Variants in RHOA observed in about 807,000 individuals in gnomAD.
RHOA encodes the protein ras homolog family member A.
RHOA carries 3 observed loss-of-function variants against 17.5 expected under a neutral mutation model. The observed-to-expected ratio is 0.17, with a 90% CI of 0.08 to 0.44. The LOEUF (loss-of-function observed/expected upper bound fraction) is 0.44. Among genes scored for constraint, RHOA ranks in the 20% least tolerant of loss-of-function variants. The pLI is 0.99. For missense variants in RHOA, 56 were observed against 242.3 expected, an observed-to-expected ratio of 0.23 and a Z score of 5.10; for synonymous variants, 98 against 88.4, an observed-to-expected ratio of 1.11 and a Z score of -0.61.
intron 1 of RHOA, among the ~76,000 whole-genome samples, chr3:49,409,871 T>G (rs1000629309): frequency 3.3e-5 from 5 of 152,292 alleles, no homozygotes; most frequent in African/African-American, 1.2e-4. Flanking sequence ...TGCCCACAGT[T>G]AACTAAAAAT....
Position 49,375,291 on chromosome 3 carries a change from GAT to G in RHOA, c.156+141_156+142del, listed in dbSNP as rs576182595. 7.9e-4 allele frequency: 569 copies of G among 719,242 alleles called. 3 individuals are homozygous for G. In the African/African-American group the frequency reaches 9.3e-3, roughly 12 times the overall value. The allele number at this position is 719,242 out of a possible 1,614,324, so 44.6% of individuals were successfully genotyped here. ...AAAAAAAAGAACAAACTTGGACTAA[GAT>G]GGCAGGATGAGAATGGATTCTTCTT... On this transcript the variant is annotated intron_variant, in intron 2 of 4. Transcript: ENST00000418115.
chr3:49,398,406 T>A (rs1303269892), intron 1 of RHOA, among the ~76,000 whole-genome samples: 1 of 150,778 alleles, frequency 6.6e-6, no homozygotes, highest in East Asian at 1.9e-4. Flanking sequence ...TAACATAAAA[T>A]GAGAGACAGA....
intron 1 of RHOA, among the ~76,000 whole-genome samples, chr3:49,393,980 C>A (rs2048569925): frequency 6.6e-6 from 1 of 151,616 alleles, no homozygotes; most frequent in South Asian, 2.1e-4. Context: ...ACGCCATTCT[C>A]CTGCCTCAGC....
chr3:49,380,865 G>A (rs1230994747), intron 1 of RHOA, among the ~76,000 whole-genome samples: 1 of 151,692 alleles, frequency 6.6e-6, no homozygotes, highest in African/African-American at 2.4e-5. Flanking sequence ...AAAACTCAGA[G>A]GGCTGACAGT....
chr3:49,407,111 A>G (rs917668296), intron 1 of RHOA, among the ~76,000 whole-genome samples: 4 of 151,916 alleles, frequency 2.6e-5, no homozygotes, highest in African/African-American at 9.7e-5. Context: ...CACTCACTGC[A>G]CTCCAGCCTG....
intron 1 of RHOA, among the ~76,000 whole-genome samples, chr3:49,391,215 CAAA>C (rs1369392165): frequency 3.9e-5 from 3 of 77,802 alleles, no homozygotes; most frequent in Non-Finnish European, 2.6e-5. Flanking sequence ...AACGCCGTCT[CAAA>C]AAAAAAAAAA....
rs555444468 is a variant in RHOA, at chr3:49,375,103, C to T, written c.156+331G>A. On this transcript the variant is annotated intron_variant, in intron 2 of 4. Coordinates refer to ENST00000418115, the MANE Select transcript of RHOA (RefSeq NM_001664.4). Reference sequence around the variant, plus strand: ...CTGGTGAAACCCCATCTCTACTAAACGAAAAATGAGCTCAGCATGGTGGCA... The same window carrying T: ...CTGGTGAAACCCCATCTCTACTAAATGAAAAATGAGCTCAGCATGGTGGCA... Among the ~76,000 whole-genome samples the T allele has an allele frequency of 1.6e-4, 25 of 151,864 alleles. 1 individual carries two copies. The highest frequency in any genetic ancestry group is 1.4e-3 in the Admixed American group (22 of 15,240).
chr3:49,400,201 G>C (rs1158433402), intron 1 of RHOA, among the ~76,000 whole-genome samples: 2 of 123,846 alleles, frequency 1.6e-5, no homozygotes, highest in African/African-American at 6.1e-5. Context: ...GACAGAGCGA[G>C]ACTCCATCTC....
intron 1 of RHOA, among the ~76,000 whole-genome samples, chr3:49,408,962 T>G (rs2048886104): frequency 6.6e-6 from 1 of 151,864 alleles, no homozygotes; most frequent in Non-Finnish European, 1.5e-5. Flanking sequence ...CCAGCTAATT[T>G]TTTTTGTATT....
rs540371345 is a variant in RHOA at position 49,374,562 on chromosome 3, C to G, written c.156+872G>C. 2.6e-5 allele frequency among the ~76,000 whole-genome samples: 4 copies of G among 151,424 alleles called. No homozygotes were observed. In the South Asian group the frequency reaches 8.4e-4, roughly 32 times the overall value. On this transcript the variant is annotated intron_variant, in intron 2 of 4. Transcript: ENST00000418115. The stretch of plus-strand genomic sequence containing the variant: ...GGCAAAATTGCATCTTTACAAAATA[C>G]AAGTATTAGCCAGGCATGGCGGCGT...
At chr3:49,381,789 C>T (rs1229463246) in intron 1 of RHOA, among the ~76,000 whole-genome samples, 2 of 147,362 alleles carry the variant, frequency 1.4e-5, no homozygotes, top group African/African-American at 2.5e-5. Flanking sequence ...CACTTGAACC[C>T]GGGAGGAGGA....
intron 1 of RHOA, among the ~76,000 whole-genome samples, chr3:49,398,660 C>T (rs58976085): frequency 6.7e-6 from 1 of 148,634 alleles, no homozygotes; most frequent in Admixed American, 6.8e-5. Context: ...CCCGTCTCTA[C>T]TAAAAGAAAA....
intron 3 of RHOA, chr3:49,366,911 C>T (rs1375568661): frequency 2.6e-5 from 4 of 152,022 alleles, no homozygotes; most frequent in Admixed American, 2.0e-4. Context: ...CACCTGCTGC[C>T]CTGTCATGAC....
chr3:49,371,006 T>C (rs1356335003), intron 2 of RHOA, among the ~76,000 whole-genome samples: 3 of 152,158 alleles, frequency 2.0e-5, no homozygotes, highest in Non-Finnish European at 4.4e-5. Flanking sequence ...TTCTGGCATG[T>C]GTAACTAAGA....
intron 1 of RHOA, among the ~76,000 whole-genome samples, chr3:49,396,945 C>T (rs902388074): frequency 2.0e-5 from 3 of 151,942 alleles, no homozygotes; most frequent in Admixed American, 6.6e-5. Context: ...GCCTGGTCAA[C>T]ATGGTGAGAG....
chr3:49,402,603 G>A (rs973599074), intron 1 of RHOA, among the ~76,000 whole-genome samples: 2 of 152,100 alleles, frequency 1.3e-5, no homozygotes, highest in African/African-American at 2.4e-5. Context: ...GGGCACAAGA[G>A]TTAGAGGCTG....
In RHOA at chr3:49,359,624, ATATT is replaced by A; in HGVS notation, c.*581_*584del. The A allele has an allele frequency of 4.8e-6, 1 of 208,176 alleles. No homozygotes were observed. The highest frequency in any genetic ancestry group is 9.8e-6 in the Non-Finnish European group (1 of 102,010). The allele number at this position is 208,176 out of a possible 1,614,324, so 12.9% of individuals were successfully genotyped here. On this transcript the variant is annotated 3_prime_UTR_variant, in exon 5 of 5. Coordinates refer to ENST00000418115, the MANE Select transcript of RHOA (RefSeq NM_001664.4). ...ATACTACATCTAGTCTGGGGTAGATATATTTATTTTTGGTAACATACATTAAGTG... is the reference window on the plus strand; with the variant it reads ...ATACTACATCTAGTCTGGGGTAGATATATTTTTGGTAACATACATTAAGTG...
At chr3:49,403,817 C>T (rs1575286695) in intron 1 of RHOA, among the ~76,000 whole-genome samples, 1 of 152,138 alleles carries the variant, frequency 6.6e-6, no homozygotes, top group South Asian at 2.1e-4. Context: ...GGTAATTAAA[C>T]CTCAGGTGAT....
intron 2 of RHOA, among the ~76,000 whole-genome samples, chr3:49,371,042 C>T (rs1250481941): frequency 1.3e-5 from 2 of 152,264 alleles, no homozygotes; most frequent in East Asian, 3.9e-4. Context: ...TTATCACAAT[C>T]TGTCTGCCCT....
Sources: gnomAD v4.1 joint callset for allele counts (sites outside exome capture counted in the v4.1 genomes callset) on GRCh38, gnomAD v4.1.1 for gene constraint, MANE v1.5 for transcripts, NCBI Gene and HGNC (gene_info 2026-07-23, HGNC 2026-07-21) for gene names.